CLPX: variants seen among roughly 807,000 people sequenced by gnomAD.
The protein encoded by CLPX is caseinolytic mitochondrial matrix peptidase chaperone subunit X.
In CLPX, 34 loss-of-function variants were observed where a neutral mutation model predicts 76.4. That is an observed-to-expected ratio of 0.45 (90% CI 0.34 to 0.59). The LOEUF (loss-of-function observed/expected upper bound fraction) is 0.59. CLPX is among the 20% of genes least tolerant of loss of function. CLPX has a pLI of 0.01. For synonymous variants in CLPX, 248 were observed against 270.9 expected, an observed-to-expected ratio of 0.92 and a Z score of 0.83; for missense variants, 613 against 757.0, an observed-to-expected ratio of 0.81 and a Z score of 2.23.
At chr15:65,182,566 CCA>C (rs1464613286) in intron 1 of CLPX, among the ~76,000 whole-genome samples, 1 of 152,152 alleles carries the variant, frequency 6.6e-6, no homozygotes, top group Non-Finnish European at 1.5e-5. Flanking sequence ...GATGACAAAT[CCA>C]CAGACACTTC....
intron 1 of CLPX, among the ~76,000 whole-genome samples, chr15:65,182,656 A>C (rs1293632023): frequency 6.6e-6 from 1 of 152,240 alleles, no homozygotes; most frequent in East Asian, 1.9e-4. Flanking sequence ...AGTGAAAATA[A>C]AGTTCACAGA....
chr15:65,154,934 G>C lies in CLPX; in HGVS notation c.1459C>G (p.Leu487Val). The C allele has an allele frequency of 1.2e-6, 2 of 1,614,102 alleles. No homozygotes were observed. The highest frequency in any genetic ancestry group is 1.7e-6 in the Non-Finnish European group (2 of 1,180,028). Reference sequence around the variant, plus strand: ...TCAGGAATCATGCCAAACTCAATCAGATCTCTGGCTTCCACATGACGCAAT... The same window carrying C: ...TCAGGAATCATGCCAAACTCAATCACATCTCTGGCTTCCACATGACGCAAT... ...RLLRHVEARD[L>V]IEFGMIPEFV... Residue 487 changes from leucine to valine, a missense_variant, in exon 11 of 14, where the codon CTG becomes GTG. Leu to Val is a conservative substitution (Grantham distance 32). Around this residue, in one of 2 missense-constraint regions of CLPX, gnomAD observed 450 missense variants for 638.6 expected, o/e 0.70. Coordinates refer to ENST00000300107, the MANE Select transcript of CLPX (RefSeq NM_006660.5).
intron 3 of CLPX, among the ~76,000 whole-genome samples, chr15:65,170,242 T>C (rs1019723956): frequency 1.3e-5 from 2 of 151,862 alleles, no homozygotes; most frequent in Non-Finnish European, 2.9e-5. Flanking sequence ...CTCTTATAGG[T>C]ACAGGTGGCA....
rs112493401 is a variant in CLPX at position 65,155,765 on chromosome 15, G to T, written c.1238C>A (p.Thr413Lys). The T allele has an allele frequency of 3.3e-5, 53 of 1,613,862 alleles. 1 individual carries two copies. Among genetic ancestry groups the T allele is most frequent in the Non-Finnish European group, 4.3e-5 (51 of 1,179,900 alleles). The change falls in exon 10 of 14, where the codon ACA becomes AAA. Residue 413 changes from threonine (T) to lysine (K), a missense_variant. Around this residue, in one of 2 missense-constraint regions of CLPX, gnomAD observed 450 missense variants for 638.6 expected, o/e 0.70. Coordinates refer to ENST00000300107, the MANE Select transcript of CLPX (RefSeq NM_006660.5). The part of the protein sequence containing the change: ...LRGETVQVDT[T>K]NILFVASGAF... The stretch of plus-strand genomic sequence containing the variant: ...ACCAGATGCCACAAACAGGATGTTT[G>T]TTGTATCAACTTGAACTGTTTCTCC...
chr15:65,169,485 A>C (rs1366373638), intron 3 of CLPX, among the ~76,000 whole-genome samples: 1 of 152,050 alleles, frequency 6.6e-6, no homozygotes, highest in Non-Finnish European at 1.5e-5. Context: ...TTGGAAGGCC[A>C]AGACGGGTGG....
intron 5 of CLPX, among the ~76,000 whole-genome samples, chr15:65,163,743 T>A (rs551639787): frequency 8.1e-4 from 124 of 152,238 alleles, no homozygotes; most frequent in African/African-American, 2.8e-3. Context: ...CGCCTCGGCC[T>A]CCAAACGTGC....
rs1278994312 is a variant in CLPX, at chr15:65,179,066, G to A, written c.241-15C>T. The A allele has an allele frequency of 1.3e-6, 2 of 1,491,202 alleles. No homozygotes were observed. Among genetic ancestry groups the A allele is most frequent in the South Asian group, 2.3e-5 (2 of 86,116 alleles). 92.4% of individuals were successfully genotyped at this position (1,491,202 alleles called of 1,614,324 possible). On this transcript the variant is annotated splice_polypyrimidine_tract_variant and intron_variant, in intron 2 of 13. Coordinates refer to ENST00000300107, the MANE Select transcript of CLPX (RefSeq NM_006660.5). Reference sequence around the variant, plus strand: ...CTTGCTGATTTCTAACGTTTATGAAGGAGAAAAAAGGAAGAGTGTCAATTA... The same window carrying A: ...CTTGCTGATTTCTAACGTTTATGAAAGAGAAAAAAGGAAGAGTGTCAATTA...
chr15:65,158,800 G>A, intron 6 of CLPX, 49 bp from the exon 7 acceptor site: 1 of 1,448,758 alleles, frequency 6.9e-7, no homozygotes, highest in Non-Finnish European at 9.3e-7. Flanking sequence ...GAATTTACTT[G>A]AAGAAAATGT....
intron 1 of CLPX, among the ~76,000 whole-genome samples, chr15:65,181,374 A>G (rs1038187978): frequency 7.9e-5 from 12 of 152,166 alleles, no homozygotes; most frequent in African/African-American, 2.9e-4. Context: ...CAATGGTTGC[A>G]CAGTATCAAT....
At chr15:65,163,783 G>A (rs1447352600) in intron 5 of CLPX, among the ~76,000 whole-genome samples, 2 of 152,044 alleles carry the variant, frequency 1.3e-5, no homozygotes, top group Non-Finnish European at 2.9e-5. Context: ...CACCATGCCA[G>A]GCCTAAGAAA....
Position 65,148,257 on chromosome 15 carries a change from G to A in CLPX, c.*2566C>T, listed in dbSNP as rs191710803. ...TTTTGTTTTATTCAAATGTCAAAAT[G>A]TAAGTTCCAAGATACAAATTATGTT... On this transcript the variant is annotated 3_prime_UTR_variant, in exon 14 of 14. Transcript: ENST00000300107. The A allele has an allele frequency of 5.3e-5, 8 of 152,300 alleles. No homozygotes were observed. The highest frequency in any genetic ancestry group is 1.3e-4 in the Admixed American group (2 of 15,296). The allele number at this position is 152,300 out of a possible 1,614,324, so 9.4% of individuals were successfully genotyped here. A position where few individuals can be genotyped will look rare whatever the true frequency, so the allele number is the denominator to read the frequency against.
intron 11 of CLPX, chr15:65,154,570 A>C: frequency 2.0e-6 from 1 of 512,314 alleles, no homozygotes; most frequent in Non-Finnish European, 3.4e-6. Context: ...GCTTTAGGCT[A>C]TAATGATGGT....
rs2087686532 is a variant in CLPX, at chr15:65,149,085, T to C, written c.*1738A>G. On this transcript the variant is annotated 3_prime_UTR_variant, in exon 14 of 14. Coordinates refer to ENST00000300107, the MANE Select transcript of CLPX (RefSeq NM_006660.5). ...CAAAAAACAAAACAAAAAAACTAGC[T>C]CAATACTTCAGGTTAAATACACAAT... 1 of 152,184 alleles carries C rather than the reference T, an allele frequency of 6.6e-6. No individual in the cohort carries two copies. Among genetic ancestry groups the C allele is most frequent in the Non-Finnish European group, 1.5e-5 (1 of 68,030 alleles). The allele number at this position is 152,184 out of a possible 1,614,324, so 9.4% of individuals were successfully genotyped here.
intron 6 of CLPX, among the ~76,000 whole-genome samples, chr15:65,159,541 C>T (rs1315645921): frequency 6.6e-6 from 1 of 151,946 alleles, no homozygotes. Context: ...ACCCGGGAGG[C>T]GGGGGTTGCA....
intron 3 of CLPX, among the ~76,000 whole-genome samples, chr15:65,176,832 T>C (rs572401791): frequency 1.3e-5 from 2 of 152,132 alleles, no homozygotes; most frequent in East Asian, 1.9e-4. Flanking sequence ...TCACCTCTGG[T>C]GATCTGCCTA....
intron 8 of CLPX, 69 bp from the exon 9 acceptor site, chr15:65,157,001 T>C (rs185027695): frequency 2.1e-4 from 201 of 958,138 alleles, no homozygotes; most frequent in Non-Finnish European, 7.8e-5. Flanking sequence ...AGCTTTAAAA[T>C]ACTTAGGTAG....
rs1167759593 is a variant in CLPX, at chr15:65,158,600, A to T, written c.867T>A (p.Ile289=). 1 of 1,611,932 alleles carries T rather than the reference A, an allele frequency of 6.2e-7. No homozygotes were observed. The highest frequency in any genetic ancestry group is 8.5e-7 in the Non-Finnish European group (1 of 1,179,382). Residue 289 remains isoleucine, a synonymous_variant, in exon 7 of 14, where the codon ATT becomes ATA. Transcript: ENST00000300107. The part of the protein sequence containing the change: ...HDDIKLEKSN[I]LLLGPTGSGK... ...CTGACCCAGTTGGTCCAAGCAGCAA[A>T]ATATTACTTTTTTCAAGTTTTATGT...
intron 11 of CLPX, 75 bp downstream of exon 11, chr15:65,154,707 T>C: frequency 1.7e-6 from 2 of 1,193,126 alleles, no homozygotes; most frequent in Admixed American, 5.0e-5. Flanking sequence ...TTGTTTTTGT[T>C]GTTAGGTTAA....
intron 6 of CLPX, 104 bp from the exon 7 acceptor site, chr15:65,158,855 T>C: frequency 1.0e-6 from 1 of 955,762 alleles, no homozygotes; most frequent in Non-Finnish European, 1.5e-6. Context: ...CATAGAAAAA[T>C]TTAAGTATTT....
Sources: allele counts gnomAD v4.1 joint callset (sites outside exome capture counted in the v4.1 genomes callset), GRCh38; gene constraint gnomAD v4.1.1; regional missense constraint gnomAD v4.1.1; transcripts MANE v1.5; gene names NCBI Gene and HGNC (gene_info 2026-07-23, HGNC 2026-07-21).